Variants in CCDC60 observed in about 807,000 individuals in gnomAD.
CCDC60 encodes coiled-coil domain-containing protein 60.
In CCDC60, 54 loss-of-function variants were observed where a neutral mutation model predicts 63.5. The observed-to-expected ratio is 0.85, with a 90% CI of 0.68 to 1.07. The LOEUF (loss-of-function observed/expected upper bound fraction) is 1.07, where lower values mean the gene tolerates loss of function less well. Among genes scored for constraint, CCDC60 ranks in the 50% least tolerant of loss-of-function variants. The pLI, the probability that CCDC60 is intolerant of heterozygous loss-of-function variation, is 0.00. For synonymous variants in CCDC60, 206 were observed against 238.8 expected (o/e 0.86, Z 1.27); for missense variants, 651 against 684.3 (o/e 0.95, Z 0.54).
intron 2 of CCDC60, among the ~76,000 whole-genome samples, chr12:119,467,243 AC>A (rs944053338): frequency 6.6e-6 from 1 of 152,046 alleles, no homozygotes; most frequent in Non-Finnish European, 1.5e-5. Flanking sequence ...GAAGCCAAGC[AC>A]CCTCCTAGGC....
At chr12:119,491,708 A>G (rs1951590116) in intron 5 of CCDC60, among the ~76,000 whole-genome samples, 1 of 149,064 alleles carries the variant, frequency 6.7e-6, no homozygotes, top group Non-Finnish European at 1.5e-5. Context: ...GGTAAAAGCA[A>G]TATCTTTTTT....
intron 2 of CCDC60, among the ~76,000 whole-genome samples, chr12:119,469,888 T>G (rs1374138449): frequency 6.6e-6 from 1 of 152,212 alleles, no homozygotes; most frequent in Non-Finnish European, 1.5e-5. Context: ...GAATGTTTTG[T>G]GTTGTGGGTG....
At chr12:119,391,570 C>T (rs1014419182) in intron 1 of CCDC60, among the ~76,000 whole-genome samples, 1 of 152,190 alleles carries the variant, frequency 6.6e-6, no homozygotes, top group Non-Finnish European at 1.5e-5. Flanking sequence ...ATAACCTCTA[C>T]CGGAAAGGGT....
chr12:119,526,694 A>T (rs1347876054), intron 11 of CCDC60, among the ~76,000 whole-genome samples: 1 of 152,244 alleles, frequency 6.6e-6, no homozygotes, highest in African/African-American at 2.4e-5. Flanking sequence ...AGAAATGCAA[A>T]TCAAAACCAC....
intron 1 of CCDC60, among the ~76,000 whole-genome samples, chr12:119,353,496 C>CTT (rs1479363735): frequency 1.3e-5 from 2 of 151,056 alleles, no homozygotes; most frequent in African/African-American, 4.9e-5. Context: ...GTCTCTGTCT[C>CTT]TCTGTCTCTC....
rs1467028573 is a variant in CCDC60, at chr12:119,456,237, G to T, written c.171-15757G>T. 7.9e-5 allele frequency among the ~76,000 whole-genome samples: 12 copies of T among 152,130 alleles called. No homozygotes were observed. Among genetic ancestry groups the T allele is most frequent in the Non-Finnish European group, 1.6e-4 (11 of 68,022 alleles). On this transcript the variant is annotated intron_variant, in intron 2 of 13. Coordinates refer to ENST00000327554, the MANE Select transcript of CCDC60 (RefSeq NM_178499.5). This position sits in a 1 kb window ranked among gnomAD's most constrained non-coding sequence, Gnocchi z 4.6. ...TAGAGGATTTTGAGCATTAAGATAG[G>T]AATGATGAGATTTGCCTTTTCAAAA...
rs555718986 is a variant in CCDC60 at position 119,418,119 on chromosome 12, A to G, written c.91-10564A>G. Among the ~76,000 whole-genome samples, 3 of 106,552 alleles carry G rather than the reference A, an allele frequency of 2.8e-5. No homozygotes were observed. In the South Asian group the frequency reaches 1.1e-3, roughly 40 times the overall value. 69.9% of individuals were successfully genotyped at this position (106,552 alleles called of 152,430 possible). The stretch of plus-strand genomic sequence containing the variant: ...AATGTTATCTTTTTGTCATGTTTTT[A>G]ACATGTTTCCATATTTTTCATATGT... On this transcript the variant is annotated intron_variant, in intron 1 of 13. Coordinates refer to ENST00000327554, the MANE Select transcript of CCDC60 (RefSeq NM_178499.5).
intron 1 of CCDC60, among the ~76,000 whole-genome samples, chr12:119,345,460 C>A (rs1320561063): frequency 2.0e-5 from 3 of 152,012 alleles, no homozygotes; most frequent in Non-Finnish European, 4.4e-5. Context: ...CCAGATCATG[C>A]CACTGCACTC....
At chr12:119,480,453 A>G (rs569476091) in intron 4 of CCDC60, among the ~76,000 whole-genome samples, 133 of 152,376 alleles carry the variant, frequency 8.7e-4, no homozygotes, top group Non-Finnish European at 1.7e-3. Flanking sequence ...CTATACTTGA[A>G]GAGTAAAAGA....
chr12:119,360,141 G>A (rs1234394995), intron 1 of CCDC60, among the ~76,000 whole-genome samples: 5 of 150,484 alleles, frequency 3.3e-5, no homozygotes, highest in East Asian at 2.0e-4. Context: ...CTCCCGGACG[G>A]GGCGGCTGGC....
chr12:119,407,149 A>C (rs1367445460), intron 1 of CCDC60, among the ~76,000 whole-genome samples: 2 of 152,088 alleles, frequency 1.3e-5, no homozygotes, highest in Non-Finnish European at 2.9e-5. Context: ...GGGTGTGTGT[A>C]CGTAAATGGA....
intron 5 of CCDC60, among the ~76,000 whole-genome samples, chr12:119,496,227 T>C (rs575720083): frequency 8.5e-5 from 13 of 152,326 alleles, no homozygotes; most frequent in Non-Finnish European, 1.2e-4. Flanking sequence ...AGCCTACAGC[T>C]TTCCACCCTG....
intron 1 of CCDC60, among the ~76,000 whole-genome samples, chr12:119,421,948 C>A (rs1956820519): frequency 6.6e-6 from 1 of 152,148 alleles, no homozygotes; most frequent in Admixed American, 6.5e-5. Context: ...TCTAAGAGTC[C>A]ACTGTTAGTC....
intron 1 of CCDC60, among the ~76,000 whole-genome samples, chr12:119,344,028 A>C (rs1211132351): frequency 2.6e-5 from 4 of 152,090 alleles, no homozygotes; most frequent in Non-Finnish European, 5.9e-5. Flanking sequence ...ATGAACTCCC[A>C]CTAAAGCTTT....
intron 1 of CCDC60, among the ~76,000 whole-genome samples, chr12:119,370,797 G>C (rs1038962473): frequency 6.6e-6 from 1 of 152,180 alleles, no homozygotes; most frequent in African/African-American, 2.4e-5. Context: ...GGAAGCTGAG[G>C]CAGGATGATC....
chr12:119,393,487 G>A (rs988446452), intron 1 of CCDC60, among the ~76,000 whole-genome samples: 5 of 152,070 alleles, frequency 3.3e-5, no homozygotes, highest in Non-Finnish European at 4.4e-5. Flanking sequence ...CTCCACCTAC[G>A]CCCTAGGCTC....
intron 5 of CCDC60, among the ~76,000 whole-genome samples, 153 bp from the exon 6 acceptor site, chr12:119,499,925 T>TC (rs990617239): frequency 3.3e-5 from 5 of 151,714 alleles, no homozygotes; most frequent in East Asian, 3.9e-4. Context: ...TGGAGAACTA[T>TC]CCCCCCCATT....
chr12:119,351,986 A>T (rs2136154272), intron 1 of CCDC60, among the ~76,000 whole-genome samples: 1 of 152,352 alleles, frequency 6.6e-6, no homozygotes, highest in South Asian at 2.1e-4. Flanking sequence ...ACTGCTATAA[A>T]GAACTACCTG....
chr12:119,462,321 TA>T (rs1950870118), intron 2 of CCDC60, among the ~76,000 whole-genome samples: 1 of 152,190 alleles, frequency 6.6e-6, no homozygotes, highest in Admixed American at 6.5e-5. Flanking sequence ...CAGCATCTCC[TA>T]AACAGCTTTT....
Sources: allele counts gnomAD v4.1 joint callset (sites outside exome capture counted in the v4.1 genomes callset), GRCh38; gene constraint gnomAD v4.1.1; non-coding constraint Gnocchi (gnomAD v3.1); transcripts MANE v1.5; gene names NCBI Gene and HGNC (gene_info 2026-07-23, HGNC 2026-07-21).